CDKL2: variants seen among roughly 807,000 people sequenced by gnomAD.
CDKL2 encodes cyclin dependent kinase like 2, also known as cyclin-dependent kinase-like 2.
In CDKL2, 64 loss-of-function variants were observed where a neutral mutation model predicts 63.9. The ratio of observed to expected loss-of-function variants is 1.00; its 90% CI spans 0.82 to 1.23. The LOEUF is 1.23. Ranked by LOEUF, CDKL2 falls within the 50% of genes most tolerant of loss-of-function variation. The probability of loss-of-function intolerance (pLI) is 0.00; values close to 1 mark genes in which losing one functional copy is unlikely to be tolerated. For missense variants in CDKL2, 656 were observed against 668.0 expected (o/e 0.98, Z 0.20); for synonymous variants, 211 against 229.2 (o/e 0.92, Z 0.72).
At chr4:75,621,027 C>T (rs1024443859) in intron 2 of CDKL2, among the ~76,000 whole-genome samples, 3 of 151,218 alleles carry the variant, frequency 2.0e-5, no homozygotes, top group African/African-American at 4.9e-5. Context: ...CCTCTGCCTG[C>T]GAGGTTCAAG....
intron 2 of CDKL2, among the ~76,000 whole-genome samples, chr4:75,618,520 C>T (rs1404637548): frequency 2.0e-5 from 3 of 151,956 alleles, no homozygotes; most frequent in Admixed American, 6.6e-5. Context: ...TCCCAAAGTG[C>T]TGGGATTACA....
At chr4:75,613,443 AATATTTATTACTC>A (rs1052044658) in intron 3 of CDKL2, among the ~76,000 whole-genome samples, 1 of 152,160 alleles carries the variant, frequency 6.6e-6, no homozygotes, top group Non-Finnish European at 1.5e-5. Context: ...TTCTACCATT[AATATTTATTACTC>A]TTATAATCAC....
intron 12 of CDKL2, among the ~76,000 whole-genome samples, chr4:75,591,532 A>G (rs13140908): frequency 0.87 from 132,439 of 152,204 alleles, 57,652 homozygotes; most frequent in East Asian, 0.92. Flanking sequence ...AAGGGTTTGA[A>G]GCTGCAGTGA....
At chr4:75,617,951 A>G (rs976800455) in intron 2 of CDKL2, among the ~76,000 whole-genome samples, 2 of 151,970 alleles carry the variant, frequency 1.3e-5, no homozygotes, top group Non-Finnish European at 2.9e-5. Context: ...AAATACAAAA[A>G]TTAGCCAGGC....
At chr4:75,609,989 G>C (rs901263274) in intron 3 of CDKL2, among the ~76,000 whole-genome samples, 15 of 151,940 alleles carry the variant, frequency 9.9e-5, no homozygotes, top group African/African-American at 3.6e-4. Context: ...GGATCACGAG[G>C]TCAGGAGATC....
intron 2 of CDKL2, among the ~76,000 whole-genome samples, chr4:75,616,384 C>T (rs973051989): frequency 6.6e-5 from 10 of 151,566 alleles, no homozygotes; most frequent in African/African-American, 1.7e-4. Flanking sequence ...ATTCAGGGGC[C>T]GGGCACAGTG....
At chr4:75,583,793 A>G (rs575642200) in intron 12 of CDKL2, among the ~76,000 whole-genome samples, 72 of 152,310 alleles carry the variant, frequency 4.7e-4, no homozygotes, top group South Asian at 1.7e-3. Context: ...TTAGTGATGT[A>G]TATTGTAATT....
In CDKL2 at chr4:75,626,144, T is replaced by C. The variant is rs554028660; in HGVS notation, c.-29-127A>G. 1.1e-4 allele frequency: 72 copies of C among 626,418 alleles called. No homozygotes were observed. In the African/African-American group the frequency reaches 1.2e-3, roughly 11 times the overall value. The allele number at this position is 626,418 out of a possible 1,614,324, so 38.8% of individuals were successfully genotyped here. ...TGTGTTCATGGCTGTCCTGTATTAA[T>C]TCACAATTTCCTAGTGTTTCTACAT... is the stretch of plus-strand genomic sequence containing the variant. On this transcript the variant is annotated intron_variant, in intron 1 of 13. Transcript: ENST00000307465.
intron 2 of CDKL2, among the ~76,000 whole-genome samples, chr4:75,619,643 A>G (rs1366319500): frequency 6.6e-6 from 1 of 151,458 alleles, no homozygotes; most frequent in Non-Finnish European, 1.5e-5. Flanking sequence ...CCTCTTGCTA[A>G]GGACCGACAA....
Position 75,600,187 on chromosome 4 carries a change from G to A in CDKL2, c.884+94C>T, listed in dbSNP as rs190390856. The A allele has an allele frequency of 2.9e-5, 22 of 770,390 alleles. No homozygotes were observed. In the African/African-American group the frequency reaches 3.7e-4, roughly 13 times the overall value. The allele number at this position is 770,390 out of a possible 1,614,324, so 47.7% of individuals were successfully genotyped here. ...ATATCTGAGATCCTGCAAAGTAGGT[G>A]GGAACAGAAATAAGAGAAGTGCTAT... On this transcript the variant is annotated intron_variant, in intron 7 of 13. Coordinates refer to ENST00000307465, the MANE Select transcript of CDKL2 (RefSeq NM_001330724.2).
In CDKL2 at chr4:75,592,271, T is replaced by C; in HGVS notation, c.1417-2A>G. On this transcript the variant is annotated splice_acceptor_variant, in intron 10 of 13. Coordinates refer to ENST00000307465, the MANE Select transcript of CDKL2 (RefSeq NM_001330724.2). LOFTEE classifies it high-confidence loss of function. ...AAAGAGGTTTTTTTCACTAGAGACCTAATATCATCAACATAGTCAACAAAA... is the reference window on the plus strand; with the variant it reads ...AAAGAGGTTTTTTTCACTAGAGACCCAATATCATCAACATAGTCAACAAAA... 1 of 1,524,988 alleles carries C rather than the reference T, an allele frequency of 6.6e-7. No homozygotes were observed. The highest frequency in any genetic ancestry group is 8.7e-7 in the Non-Finnish European group (1 of 1,143,938). 94.5% of individuals were successfully genotyped at this position (1,524,988 alleles called of 1,614,324 possible). A position where few individuals can be genotyped will look rare whatever the true frequency, so the allele number is the denominator to read the frequency against.
intron 12 of CDKL2, among the ~76,000 whole-genome samples, chr4:75,584,308 T>C (rs1728378824): frequency 6.6e-6 from 1 of 152,118 alleles, no homozygotes; most frequent in Admixed American, 6.5e-5. Flanking sequence ...AGCCAAGGAA[T>C]GTGAGTGGCA....
intron 12 of CDKL2, among the ~76,000 whole-genome samples, chr4:75,591,181 G>T (rs1032279448): frequency 6.6e-6 from 1 of 152,094 alleles, no homozygotes; most frequent in Non-Finnish European, 1.5e-5. Context: ...TTGAAAGGTA[G>T]GTTGTTTATT....
At chr4:75,624,576 T>C (rs1174521657) in intron 2 of CDKL2, among the ~76,000 whole-genome samples, 2 of 149,748 alleles carry the variant, frequency 1.3e-5, no homozygotes, top group Non-Finnish European at 3.0e-5. Context: ...AACGACCGGG[T>C]GTGGTGGCTC....
At chr4:75,609,784 A>G (rs1222595958) in intron 3 of CDKL2, among the ~76,000 whole-genome samples, 1 of 151,914 alleles carries the variant, frequency 6.6e-6, no homozygotes, top group Non-Finnish European at 1.5e-5. Context: ...CTCTTTCGGA[A>G]GACCAGCATC....
intron 2 of CDKL2, among the ~76,000 whole-genome samples, chr4:75,621,685 G>T (rs370605772): frequency 6.6e-6 from 1 of 152,058 alleles, no homozygotes; most frequent in Non-Finnish European, 1.5e-5. Flanking sequence ...ATAGGCCCAC[G>T]CTATCGCACC....
At chr4:75,614,512 G>A in intron 2 of CDKL2, 63 bp from the exon 3 acceptor site, 2 of 1,017,472 alleles carry the variant, frequency 2.0e-6, no homozygotes, top group Non-Finnish European at 2.9e-6. Flanking sequence ...TATAAACTAA[G>A]ATCAAATTAT....
At chr4:75,604,499 C>T (rs1399337141) in intron 5 of CDKL2, among the ~76,000 whole-genome samples, 3 of 152,206 alleles carry the variant, frequency 2.0e-5, no homozygotes, top group South Asian at 4.1e-4. Context: ...AGTATTTTCC[C>T]ATTATTTCCA....
At chr4:75,609,115 A>G (rs1450799195) in intron 3 of CDKL2, among the ~76,000 whole-genome samples, 1 of 152,226 alleles carries the variant, frequency 6.6e-6, no homozygotes, top group Non-Finnish European at 1.5e-5. Context: ...AAAATTAGAA[A>G]AGCCTAGAGA....
Sources: allele counts gnomAD v4.1 joint callset (sites outside exome capture counted in the v4.1 genomes callset), GRCh38; gene constraint gnomAD v4.1.1; transcripts MANE v1.5; gene names NCBI Gene and HGNC (gene_info 2026-07-23, HGNC 2026-07-21).